The following MOSMO variants were observed in gnomAD, a reference collection of about 807,000 sequenced individuals.
MOSMO encodes modulator of smoothened protein.
In MOSMO, 5 loss-of-function variants were observed where a neutral mutation model predicts 18.4. That is an observed-to-expected ratio of 0.27 (90% CI 0.14 to 0.57). The LOEUF is 0.57. MOSMO is among the 20% of genes least tolerant of loss of function. The probability of loss-of-function intolerance (pLI) is 0.92; values close to 1 mark genes in which losing one functional copy is unlikely to be tolerated. For synonymous variants in MOSMO, 82 were observed against 82.3 expected, an observed-to-expected ratio of 1.00 and a Z score of 0.02; for missense variants, 138 against 211.8, an observed-to-expected ratio of 0.65 and a Z score of 2.16.
Position 22,083,750 on chromosome 16 carries a change from A to C in MOSMO, c.*2870A>C. On this transcript the variant is annotated 3_prime_UTR_variant, in exon 3 of 3. Coordinates refer to ENST00000542527, the MANE Select transcript of MOSMO (RefSeq NM_001164579.2). The stretch of plus-strand genomic sequence containing the variant: ...AAAACTATTTTTAGGTTTTATTTGC[A>C]CAAGACTGAATTAGTTTGACATTTT... 2.2e-6 allele frequency: 1 copy of C among 447,250 alleles called. No homozygotes were observed. Among genetic ancestry groups the C allele is most frequent in the South Asian group, 1.6e-5 (1 of 62,292 alleles). 27.7% of individuals were successfully genotyped at this position (447,250 alleles called of 1,614,324 possible).
At chr16:22,065,432 A>C (rs1900730806) in intron 1 of MOSMO, among the ~76,000 whole-genome samples, 1 of 152,122 alleles carries the variant, frequency 6.6e-6, no homozygotes, top group Non-Finnish European at 1.5e-5. Flanking sequence ...CTATTTCAGC[A>C]AGCCTGAACT....
rs1597995494 is a variant in MOSMO, at chr16:22,017,175, G to T, written c.106+8768G>T. Among the ~76,000 whole-genome samples, 3 of 152,210 alleles carry T rather than the reference G, an allele frequency of 2.0e-5. No homozygotes were observed. In the South Asian group the frequency reaches 6.2e-4, roughly 32 times the overall value. On this transcript the variant is annotated intron_variant, in intron 1 of 2. Transcript: ENST00000542527. ...TGCATAATCTTATAGGGGAAATTTA[G>T]ACATGTAATGAAGTGTTCCTGTTTA...
intron 1 of MOSMO, among the ~76,000 whole-genome samples, chr16:22,024,016 T>TATATATATATATATATATATATATATATA (rs57968547): frequency 4.9e-4 from 71 of 145,538 alleles, no homozygotes; most frequent in South Asian, 1.4e-3. Flanking sequence ...TATATATATA[T>TATATATATATATATATATATATATATATA]TTTCTTAAGA....
intron 1 of MOSMO, among the ~76,000 whole-genome samples, chr16:22,008,826 G>A (rs1042851195): frequency 1.1e-4 from 16 of 152,160 alleles, no homozygotes; most frequent in Non-Finnish European, 1.8e-4. Context: ...CAGGCGGAGA[G>A]GCTAGGGCTG....
At chr16:22,031,053 T>A (rs2141994892) in intron 1 of MOSMO, among the ~76,000 whole-genome samples, 1 of 152,294 alleles carries the variant, frequency 6.6e-6, no homozygotes, top group Non-Finnish European at 1.5e-5. Flanking sequence ...ATATTGCAGT[T>A]GAAGCATATT....
intron 1 of MOSMO, among the ~76,000 whole-genome samples, chr16:22,011,531 A>C (rs957780652): frequency 6.6e-6 from 1 of 152,176 alleles, no homozygotes; most frequent in Non-Finnish European, 1.5e-5. Context: ...TGGCCAGTAG[A>C]ATAGGGGACC....
intron 1 of MOSMO, among the ~76,000 whole-genome samples, chr16:22,051,111 G>T (rs748350497): frequency 1.3e-5 from 2 of 152,112 alleles, no homozygotes; most frequent in Non-Finnish European, 2.9e-5. Context: ...TCTATGGCTG[G>T]GCGCGATGGC....
In MOSMO at chr16:22,058,199, G is replaced by A. The variant is rs567667956; in HGVS notation, c.107-17288G>A. On this transcript the variant is annotated intron_variant, in intron 1 of 2. Transcript: ENST00000542527. ...TCCCAGCACTTTGGGAGGCCAAGGC[G>A]GGTAGATCACAAGGTCAGGCGTTTA... 5.4e-4 allele frequency among the ~76,000 whole-genome samples: 82 copies of A among 152,224 alleles called. 1 individual carries two copies. The South Asian group carries it at 0.015, about 28-fold the overall frequency.
chr16:22,023,997 T>TTTTATATATATATATATATATATATA (rs371289654), intron 1 of MOSMO, among the ~76,000 whole-genome samples: 13 of 126,364 alleles, frequency 1.0e-4, no homozygotes, highest in African/African-American at 4.8e-4. Flanking sequence ...TTTGTACAAA[T>TTTTATATATATATATATATATATATA]TATATATATA....
Position 22,080,984 on chromosome 16 carries a change from A to G in MOSMO, c.*104A>G, listed in dbSNP as rs1901067563. The G allele has an allele frequency of 2.2e-6, 1 of 464,150 alleles. No individual in the cohort carries two copies. Among genetic ancestry groups the G allele is most frequent in the African/African-American group, 2.0e-5 (1 of 49,658 alleles). The allele number at this position is 464,150 out of a possible 1,614,324, so 28.8% of individuals were successfully genotyped here. A position where few individuals can be genotyped will look rare whatever the true frequency, so the allele number is the denominator to read the frequency against. ...GGCGAGGCATCTGAGCAGGCCTCTC[A>G]TGGGAAGATGCTCAGATGAAACTGA... On this transcript the variant is annotated 3_prime_UTR_variant, in exon 3 of 3. Coordinates refer to ENST00000542527, the MANE Select transcript of MOSMO (RefSeq NM_001164579.2).
intron 1 of MOSMO, among the ~76,000 whole-genome samples, chr16:22,057,201 A>T (rs1411378426): frequency 6.6e-6 from 1 of 152,182 alleles, no homozygotes; most frequent in Non-Finnish European, 1.5e-5. Flanking sequence ...CTTTATAAAG[A>T]GCAGAAATTA....
chr16:22,032,127 G>A (rs971720833), intron 1 of MOSMO, among the ~76,000 whole-genome samples: 2 of 150,560 alleles, frequency 1.3e-5, no homozygotes, highest in Non-Finnish European at 3.0e-5. Context: ...CTTTCCATAT[G>A]CTTATTGGCC....
At chr16:22,009,628 G>C (rs1206160717) in intron 1 of MOSMO, among the ~76,000 whole-genome samples, 1 of 151,830 alleles carries the variant, frequency 6.6e-6, no homozygotes, top group Non-Finnish European at 1.5e-5. Context: ...GGAACTTTTG[G>C]AGGGTTGGGA....
intron 1 of MOSMO, among the ~76,000 whole-genome samples, chr16:22,030,102 T>G (rs1899962968): frequency 6.6e-6 from 1 of 150,790 alleles, no homozygotes; most frequent in Admixed American, 6.6e-5. Context: ...CATTCAAACT[T>G]AAGGTTGAAG....
At chr16:22,062,511 T>G (rs1382745026) in intron 1 of MOSMO, among the ~76,000 whole-genome samples, 1 of 152,040 alleles carries the variant, frequency 6.6e-6, no homozygotes, top group African/African-American at 2.4e-5. Flanking sequence ...TTTGTAGAGA[T>G]AAAGTCCCAG....
intron 1 of MOSMO, among the ~76,000 whole-genome samples, chr16:22,019,901 G>C (rs907432104): frequency 6.6e-6 from 1 of 152,004 alleles, no homozygotes; most frequent in East Asian, 1.9e-4. Flanking sequence ...TAGAATTCAG[G>C]CTTCTTTTTT....
chr16:22,052,763 A>G (rs1900451323), intron 1 of MOSMO, among the ~76,000 whole-genome samples: 1 of 152,150 alleles, frequency 6.6e-6, no homozygotes, highest in Admixed American at 6.5e-5. Context: ...ATTTATATGA[A>G]GTTTAATATA....
chr16:22,045,621 C>G lies in MOSMO; in HGVS notation c.107-29866C>G, dbSNP rs572131272. Among the ~76,000 whole-genome samples, 4 of 152,248 alleles carry G rather than the reference C, an allele frequency of 2.6e-5. No homozygotes were observed. The East Asian group carries it at 7.7e-4, about 29-fold the overall frequency. On this transcript the variant is annotated intron_variant, in intron 1 of 2. Transcript: ENST00000542527. Reference sequence around the variant, plus strand: ...AATTGCATAGCATATTTCATTTACTCAATAGCCACATGTGGATTTTTGGAT... The same window carrying G: ...AATTGCATAGCATATTTCATTTACTGAATAGCCACATGTGGATTTTTGGAT...
chr16:22,025,640 TCTGA>T lies in MOSMO; in HGVS notation c.106+17237_106+17240del, dbSNP rs567777113. Among the ~76,000 whole-genome samples, 366 of 152,298 alleles carry T rather than the reference TCTGA, an allele frequency of 2.4e-3. 2 individuals carry two copies. The highest frequency in any genetic ancestry group is 8.4e-3 in the African/African-American group (351 of 41,564). ...ATCAAGTAACTTTTCAACATAAAAC[TCTGA>T]CTGTGCTCTCTTAATGATGGGATAT... On this transcript the variant is annotated intron_variant, in intron 1 of 2. Coordinates refer to ENST00000542527, the MANE Select transcript of MOSMO (RefSeq NM_001164579.2).
Sources: allele counts gnomAD v4.1 joint callset (sites outside exome capture counted in the v4.1 genomes callset), GRCh38; gene constraint gnomAD v4.1.1; transcripts MANE v1.5; gene names NCBI Gene and HGNC (gene_info 2026-07-23, HGNC 2026-07-21).